RIPK2: variants seen among roughly 807,000 people sequenced by gnomAD.
RIPK2 encodes receptor-interacting serine/threonine-protein kinase 2.
A neutral mutation model predicts 60.9 loss-of-function variants in RIPK2; 38 were observed. The observed-to-expected ratio is 0.62, with a 90% confidence interval of 0.48 to 0.82. The LOEUF is 0.82. RIPK2 is among the 40% of genes least tolerant of loss of function. The pLI is 0.00. For missense variants in RIPK2, 518 were observed against 647.0 expected (o/e 0.80, Z 2.16); for synonymous variants, 225 against 223.4 (o/e 1.01, Z -0.06).
intron 1 of RIPK2, among the ~76,000 whole-genome samples, chr8:89,760,104 T>C (rs1408736704): frequency 6.6e-6 from 1 of 152,210 alleles, no homozygotes; most frequent in Non-Finnish European, 1.5e-5. Flanking sequence ...GTCTGAGCAT[T>C]AGATGAGGCT....
Position 89,790,351 on chromosome 8 carries a change from T to A in RIPK2, c.1558T>A (p.Tyr520Asn). The change falls in exon 11 of 11, where the codon TAC becomes AAC. Residue 520 changes from tyrosine (Y) to asparagine (N), a missense_variant. Tyr to Asn is a moderately radical substitution (Grantham distance 143). This residue lies in a region of RIPK2 where 41 missense variants were observed against 43.7 expected (regional missense o/e 0.94). Transcript: ENST00000220751. Reference protein sequence around the residue: ...KDNKQMGLQPYPEILVVSRSP... With the variant: ...KDNKQMGLQPNPEILVVSRSP... Reference sequence around the variant, plus strand: ...TAACAAACAAATGGGTCTTCAGCCTTACCCGGAAATACTTGTGGTTTCTAG... The same window carrying A: ...TAACAAACAAATGGGTCTTCAGCCTAACCCGGAAATACTTGTGGTTTCTAG... 6.2e-7 allele frequency: 1 copy of A among 1,613,092 alleles called. No individual in the cohort carries two copies. The highest frequency in any genetic ancestry group is 8.5e-7 in the Non-Finnish European group (1 of 1,179,626).
At chr8:89,768,175 G>T (rs7844627) in intron 3 of RIPK2, among the ~76,000 whole-genome samples, 7 of 151,312 alleles carry the variant, frequency 4.6e-5, no homozygotes, top group African/African-American at 1.7e-4. Context: ...TTTTTGCCAC[G>T]TATCGTTGCT....
At chr8:89,783,393 T>C (rs1809532169) in intron 7 of RIPK2, among the ~76,000 whole-genome samples, 2 of 152,236 alleles carry the variant, frequency 1.3e-5, no homozygotes, top group African/African-American at 4.8e-5. Context: ...TTGGGCCTTT[T>C]TGCATATATT....
chr8:89,769,989 C>A, intron 4 of RIPK2, 60 bp downstream of exon 4: 1 of 1,333,958 alleles, frequency 7.5e-7, no homozygotes, highest in Non-Finnish European at 1.0e-6. Context: ...ATTAGTCAAC[C>A]AGAATTTTGA....
chr8:89,770,839 C>T (rs1330647754), intron 4 of RIPK2, among the ~76,000 whole-genome samples: 1 of 151,788 alleles, frequency 6.6e-6, no homozygotes, highest in Non-Finnish European at 1.5e-5. Context: ...TGCACTAAAA[C>T]AATTCATACA....
At chr8:89,759,553 A>C in intron 1 of RIPK2, 1 of 380,304 alleles carries the variant, frequency 2.6e-6, no homozygotes, top group South Asian at 1.9e-5. Context: ...TCAGGCTTCG[A>C]TGGCCTAAAT....
At chr8:89,786,053 A>G (rs1198062510) in intron 8 of RIPK2, among the ~76,000 whole-genome samples, 2 of 152,258 alleles carry the variant, frequency 1.3e-5, no homozygotes, top group Non-Finnish European at 2.9e-5. Context: ...TACTGAAAAA[A>G]TAATTATTTC....
intron 1 of RIPK2, among the ~76,000 whole-genome samples, chr8:89,761,370 CT>C (rs199523638): frequency 3.2e-4 from 44 of 139,518 alleles, no homozygotes; most frequent in African/African-American, 9.2e-4. Flanking sequence ...TCTCCAATTC[CT>C]TTTCATTTTT....
At chr8:89,782,548 T>TA (rs987201810) in intron 7 of RIPK2, among the ~76,000 whole-genome samples, 14 of 151,648 alleles carry the variant, frequency 9.2e-5, no homozygotes, top group African/African-American at 3.2e-4. Context: ...TACATGCCTA[T>TA]AGTCCCAGTT....
chr8:89,758,664 G>A (rs1001304347), intron 1 of RIPK2, among the ~76,000 whole-genome samples: 1 of 152,172 alleles, frequency 6.6e-6, no homozygotes, highest in Non-Finnish European at 1.5e-5. Flanking sequence ...GCACTGTCCA[G>A]TAGGTAGCTC....
At chr8:89,761,482 T>G (rs1809144044) in intron 1 of RIPK2, among the ~76,000 whole-genome samples, 1 of 152,176 alleles carries the variant, frequency 6.6e-6, no homozygotes, top group Non-Finnish European at 1.5e-5. Flanking sequence ...TAGGTTCATG[T>G]ATTAACTGGT....
intron 6 of RIPK2, among the ~76,000 whole-genome samples, chr8:89,778,949 C>T (rs929631061): frequency 6.6e-6 from 1 of 152,184 alleles, no homozygotes; most frequent in Admixed American, 6.6e-5. Context: ...TTCATTTTCT[C>T]CACGTCACTG....
Position 89,771,752 on chromosome 8 carries a change from T to C in RIPK2, c.653T>C (p.Ile218Thr). The change falls in exon 5 of 11, where the codon ATC (isoleucine) becomes ACC (threonine). Residue 218 changes from isoleucine to threonine, a missense_variant. By Grantham distance (89) the Ile-to-Thr change is moderately conservative (BLOSUM62 -1). This residue lies in a region of RIPK2 where 448 missense variants were observed against 534.7 expected (regional missense o/e 0.84). Transcript: ENST00000220751. ...IKHDIYSYAV[I>T]TWEVLSRKQP... ...CTTATGTTAAACAGCTATGCAGTTA[T>C]CACATGGGAAGTGTTATCCAGAAAA... The C allele has an allele frequency of 6.2e-7, 1 of 1,605,232 alleles. No individual in the cohort carries two copies. The highest frequency in any genetic ancestry group is 8.5e-7 in the Non-Finnish European group (1 of 1,174,146).
In RIPK2 at chr8:89,765,475, G is replaced by T; in HGVS notation, c.462G>T (p.Leu154Phe). The change falls in exon 3 of 11, where the codon TTG (leucine) becomes TTT (phenylalanine). Residue 154 changes from leucine to phenylalanine, a missense_variant. Leu to Phe is a conservative substitution (Grantham distance 22, BLOSUM62 0). This residue lies in a region of RIPK2 where 448 missense variants were observed against 534.7 expected (regional missense o/e 0.84). Coordinates refer to ENST00000220751, the MANE Select transcript of RIPK2 (RefSeq NM_003821.6). ...HHDLKTQNILLDNEFHVKIAD... is the reference protein window; with the variant it reads ...HHDLKTQNILFDNEFHVKIAD... ...ACTTGAAGACTCAGAATATCTTATT[G>T]GACAATGAATTTCATGTTAAGGTAA... 2 of 1,583,084 alleles carry T rather than the reference G, an allele frequency of 1.3e-6. No homozygotes were observed. The highest frequency in any genetic ancestry group is 8.7e-7 in the Non-Finnish European group (1 of 1,155,014).
chr8:89,764,998 G>A (rs1031349518), intron 2 of RIPK2, among the ~76,000 whole-genome samples: 10 of 152,016 alleles, frequency 6.6e-5, no homozygotes, highest in Admixed American at 6.6e-4. Context: ...AGAATGAGGA[G>A]GTGGATGTGG....
chr8:89,788,129 G>T (rs1809616670), intron 9 of RIPK2, among the ~76,000 whole-genome samples: 1 of 152,024 alleles, frequency 6.6e-6, no homozygotes, highest in African/African-American at 2.4e-5. Flanking sequence ...ATCACTTGAG[G>T]CCAGGAGTTC....
At chr8:89,781,976 C>CA (rs36097206) in intron 7 of RIPK2, among the ~76,000 whole-genome samples, 17 of 151,912 alleles carry the variant, frequency 1.1e-4, no homozygotes, top group African/African-American at 3.1e-4. Context: ...GGCAATGTGG[C>CA]AAAAAAACAT....
Position 89,783,381 on chromosome 8 carries a change from G to A in RIPK2, c.940-669G>A, listed in dbSNP as rs563361255. On this transcript the variant is annotated intron_variant, in intron 7 of 10. Coordinates refer to ENST00000220751, the MANE Select transcript of RIPK2 (RefSeq NM_003821.6). ...CATTTATTGAATGCTTACAAGTAAT[G>A]TTTGGGCCTTTTTGCATATATTACT... Among the ~76,000 whole-genome samples the A allele has an allele frequency of 9.2e-5, 14 of 152,320 alleles. No homozygotes were observed. In the South Asian group the frequency reaches 1.0e-3, roughly 11 times the overall value.
At chr8:89,784,957 G>A (rs1458368217) in intron 8 of RIPK2, among the ~76,000 whole-genome samples, 1 of 152,020 alleles carries the variant, frequency 6.6e-6, no homozygotes, top group Non-Finnish European at 1.5e-5. Flanking sequence ...GAGGAAGTCA[G>A]GTTCTTTAAC....
Sources: allele counts gnomAD v4.1 joint callset (sites outside exome capture counted in the v4.1 genomes callset), GRCh38; gene constraint gnomAD v4.1.1; regional missense constraint gnomAD v4.1.1; transcripts MANE v1.5; gene names NCBI Gene and HGNC (gene_info 2026-07-23, HGNC 2026-07-21).